Variants in ACOXL observed in about 807,000 individuals in gnomAD.
ACOXL encodes acyl-CoA oxidase like, also known as acyl-coenzyme A oxidase-like protein.
Under a neutral mutation model 71.9 loss-of-function variants are expected in ACOXL, and 70 were observed. That is an observed-to-expected ratio of 0.97 (90% confidence interval 0.80 to 1.19). The LOEUF (loss-of-function observed/expected upper bound fraction) is 1.19. ACOXL is among the 50% of genes most tolerant of loss of function. The pLI is 0.00. For missense variants in ACOXL, 703 were observed against 736.3 expected, an observed-to-expected ratio of 0.95 and a Z score of 0.52; for synonymous variants, 253 against 281.6, an observed-to-expected ratio of 0.90 and a Z score of 1.02.
At chr2:110,971,587 C>G (rs1027955122) in intron 12 of ACOXL, among the ~76,000 whole-genome samples, 1 of 152,122 alleles carries the variant, frequency 6.6e-6, no homozygotes, top group African/African-American at 2.4e-5. Context: ...TGTAAACGGT[C>G]TTGATGATTA....
chr2:110,784,267 A>C (rs1456885446), intron 2 of ACOXL, among the ~76,000 whole-genome samples: 1 of 152,196 alleles, frequency 6.6e-6, no homozygotes, highest in African/African-American at 2.4e-5. Flanking sequence ...ACAAAAAAAA[A>C]AAAGATTGTC....
At chr2:111,026,959 C>A (rs1047213929) in intron 14 of ACOXL, among the ~76,000 whole-genome samples, 3 of 150,650 alleles carry the variant, frequency 2.0e-5, no homozygotes, top group Non-Finnish European at 4.4e-5. Context: ...TGCAGTGATA[C>A]GATCATGGCT....
At chr2:110,761,332 AT>A (rs757147960) in intron 1 of ACOXL, among the ~76,000 whole-genome samples, 1 of 152,020 alleles carries the variant, frequency 6.6e-6, no homozygotes, top group Non-Finnish European at 1.5e-5. Flanking sequence ...TTGCATACCC[AT>A]TGACTGGTTC....
intron 1 of ACOXL, among the ~76,000 whole-genome samples, chr2:110,743,575 G>A (rs914137959): frequency 3.3e-5 from 5 of 152,218 alleles, no homozygotes; most frequent in African/African-American, 1.2e-4. Flanking sequence ...AGGGCCGGGT[G>A]GAGGTCATTC....
intron 9 of ACOXL, among the ~76,000 whole-genome samples, chr2:110,812,596 G>A (rs1056246059): frequency 6.6e-6 from 1 of 152,158 alleles, no homozygotes; most frequent in Non-Finnish European, 1.5e-5. Context: ...AGTTTGCTGA[G>A]GATAATGGCC....
intron 11 of ACOXL, among the ~76,000 whole-genome samples, chr2:110,915,350 A>ATATATATATATATATATGTGTG (rs1491355100): frequency 8.8e-6 from 1 of 113,632 alleles, no homozygotes; most frequent in Admixed American, 9.7e-5. Context: ...ATATATATAT[A>ATATATATATATATATATGTGTG]TGTGTGTGTG....
chr2:111,009,597 GA>G (rs2064048412), intron 14 of ACOXL, among the ~76,000 whole-genome samples: 1 of 151,734 alleles, frequency 6.6e-6, no homozygotes, highest in Admixed American at 6.6e-5. Flanking sequence ...ATCCCAAAAA[GA>G]AAGAAGCCGC....
chr2:110,839,932 T>C (rs1306572444), intron 9 of ACOXL, among the ~76,000 whole-genome samples: 1 of 151,892 alleles, frequency 6.6e-6, no homozygotes, highest in African/African-American at 2.4e-5. Context: ...AGGTGCAACT[T>C]AGACTTTGGC....
chr2:110,987,431 T>C (rs537275203), intron 13 of ACOXL, among the ~76,000 whole-genome samples: 1 of 152,354 alleles, frequency 6.6e-6, no homozygotes, highest in South Asian at 2.1e-4. Context: ...GAGTTCCTTC[T>C]TTATTTCATG....
intron 10 of ACOXL, among the ~76,000 whole-genome samples, chr2:110,893,547 G>A (rs2058879478): frequency 6.6e-6 from 1 of 152,112 alleles, no homozygotes; most frequent in Non-Finnish European, 1.5e-5. Context: ...AGTTGGTGAT[G>A]TGTGTCAAGG....
chr2:110,897,005 A>G (rs1414094084), intron 10 of ACOXL, among the ~76,000 whole-genome samples: 1 of 152,206 alleles, frequency 6.6e-6, no homozygotes, highest in East Asian at 1.9e-4. Flanking sequence ...ACAAATTTTT[A>G]AAAATTGAAG....
chr2:111,021,126 T>A (rs1258921323), intron 14 of ACOXL, among the ~76,000 whole-genome samples: 5 of 152,066 alleles, frequency 3.3e-5, no homozygotes, highest in African/African-American at 1.2e-4. Context: ...CAAAGGGAGA[T>A]TCTGGTGCAG....
intron 12 of ACOXL, among the ~76,000 whole-genome samples, chr2:110,944,347 CT>C (rs766852551): frequency 3.3e-4 from 48 of 146,578 alleles, no homozygotes; most frequent in African/African-American, 4.0e-4. Flanking sequence ...AGGCCTCATG[CT>C]TTTTTTTTTT....
In ACOXL at chr2:110,927,360, C is replaced by T. The variant is rs114878772; in HGVS notation, c.906-6129C>T. Among the ~76,000 whole-genome samples the T allele has an allele frequency of 3.8e-3, 572 of 152,290 alleles. 4 individuals carry two copies. Among genetic ancestry groups the T allele is most frequent in the African/African-American group, 0.012 (498 of 41,558 alleles). On this transcript the variant is annotated intron_variant, in intron 11 of 17. Transcript: ENST00000439055. ...AAATCATGGGTCAAGCTCAAGCTCC[C>T]GCATGTGGCCCTGGGGTGCCTTCCA...
rs140745244 is a variant in ACOXL, at chr2:110,849,618, C to T, written c.788+8213C>T. ...ACTAAAAGTACAAAAATTAGCCAGGCGTGGTGGCACGTGCTTGTAATCCCA... is the reference window on the plus strand; with the variant it reads ...ACTAAAAGTACAAAAATTAGCCAGGTGTGGTGGCACGTGCTTGTAATCCCA... On this transcript the variant is annotated intron_variant, in intron 10 of 17. Coordinates refer to ENST00000439055, the MANE Select transcript of ACOXL (RefSeq NM_001142807.4). 3.6e-3 allele frequency among the ~76,000 whole-genome samples: 548 copies of T among 152,146 alleles called. 3 individuals are homozygous for T. The highest frequency in any genetic ancestry group is 0.027 in the South Asian group (132 of 4,812).
intron 16 of ACOXL, among the ~76,000 whole-genome samples, chr2:111,084,035 TG>T (rs1163704919): frequency 2.0e-5 from 3 of 150,190 alleles, no homozygotes; most frequent in Non-Finnish European, 4.4e-5. Flanking sequence ...GAAAAAAAAA[TG>T]TGATTTGGGG....
intron 12 of ACOXL, chr2:110,967,996 C>T: frequency 1.0e-6 from 1 of 959,488 alleles, no homozygotes; most frequent in Non-Finnish European, 1.7e-6. Context: ...AGTAGTTCAT[C>T]TAACCAACAG....
At chr2:110,961,242 T>C (rs959678694) in intron 12 of ACOXL, among the ~76,000 whole-genome samples, 2 of 152,192 alleles carry the variant, frequency 1.3e-5, no homozygotes, top group African/African-American at 4.8e-5. Context: ...AGAATCAACA[T>C]CCAGTTTCAC....
At chr2:110,891,268 G>A (rs550817709) in intron 10 of ACOXL, among the ~76,000 whole-genome samples, 2 of 151,986 alleles carry the variant, frequency 1.3e-5, no homozygotes, top group South Asian at 2.1e-4. Flanking sequence ...ATACCTAAAG[G>A]ATAATTATAC....
Sources: allele counts gnomAD v4.1 joint callset (sites outside exome capture counted in the v4.1 genomes callset), GRCh38; gene constraint gnomAD v4.1.1; transcripts MANE v1.5; gene names NCBI Gene and HGNC (gene_info 2026-07-23, HGNC 2026-07-21).